The following FZR1 variants were observed in gnomAD, a reference collection of about 807,000 sequenced individuals.
The protein encoded by FZR1 is fizzy-related protein homolog.
Under a neutral mutation model 63.6 loss-of-function variants are expected in FZR1, and 11 were observed. That is an observed-to-expected ratio of 0.17 (90% CI 0.11 to 0.29). The LOEUF is 0.29. FZR1 is among the 10% of genes least tolerant of loss of function. The pLI, the probability that FZR1 is intolerant of heterozygous loss-of-function variation, is 1.00. For synonymous variants in FZR1, 328 were observed against 297.9 expected, an observed-to-expected ratio of 1.10 and a Z score of -1.04; for missense variants, 440 against 687.5, an observed-to-expected ratio of 0.64 and a Z score of 4.03.
At position 3,526,478 on chromosome 19, in the gene FZR1, C is replaced by T; in HGVS notation, c.387+92C>T. On this transcript the variant is annotated intron_variant, in intron 5 of 13. Transcript: ENST00000441788. This position sits in a 1 kb window ranked among gnomAD's most constrained non-coding sequence, Gnocchi z 5.4. ...CAGGCACCAGCTCTGCCTCCCCGAG[C>T]CCGGTTCTCGGGCCCAGCCACGGCT... 9.1e-7 allele frequency: 1 copy of T among 1,101,536 alleles called. No individual in the cohort carries two copies. Among genetic ancestry groups the T allele is most frequent in the Non-Finnish European group, 1.3e-6 (1 of 768,250 alleles). The allele number at this position is 1,101,536 out of a possible 1,614,324, so 68.2% of individuals were successfully genotyped here.
chr19:3,508,279 C>T (rs997300450), intron 1 of FZR1, among the ~76,000 whole-genome samples: 5 of 149,460 alleles, frequency 3.3e-5, no homozygotes, highest in Non-Finnish European at 1.5e-5. Flanking sequence ...TCACCGCAAC[C>T]TCTGCCTCCC....
intron 1 of FZR1, among the ~76,000 whole-genome samples, chr19:3,507,128 C>T (rs1462713814): frequency 1.3e-5 from 2 of 152,122 alleles, no homozygotes. Flanking sequence ...CACCTCATCT[C>T]GCTGATTTCT....
Position 3,525,894 on chromosome 19 carries a change from G to T in FZR1, c.96G>T (p.Thr32=), listed in dbSNP as rs538665074. ...TCACAGAGATGCGGCGGACCCTGAC[G>T]CCTGCCAGCTCCCCAGTGTCCTCGC... ...PRVTEMRRTL[T]PASSPVSSPS... Residue 32 remains threonine (T), a synonymous_variant, in exon 3 of 14, where the codon ACG becomes ACT. Coordinates refer to ENST00000441788, the MANE Select transcript of FZR1 (RefSeq NM_016263.4). The surrounding 1 kb of genome is among the most constrained non-coding windows in gnomAD (Gnocchi z 4.2). 3 of 1,612,086 alleles carry T rather than the reference G, an allele frequency of 1.9e-6. No homozygotes were observed. The highest frequency in any genetic ancestry group is 1.7e-6 in the Non-Finnish European group (2 of 1,179,938).
intron 1 of FZR1, among the ~76,000 whole-genome samples, chr19:3,519,310 C>G (rs1272610426): frequency 6.6e-6 from 1 of 152,250 alleles, no homozygotes. Context: ...TCCGGATCGT[C>G]TCTGCCCTGC....
intron 2 of FZR1, among the ~76,000 whole-genome samples, chr19:3,523,668 C>T (rs1451869052): frequency 6.6e-6 from 1 of 152,252 alleles, no homozygotes; most frequent in Non-Finnish European, 1.5e-5. Flanking sequence ...CCAGTCCCTG[C>T]CCTGTGATAG....
intron 7 of FZR1, among the ~76,000 whole-genome samples, chr19:3,529,847 G>T: frequency 8.9e-6 from 1 of 111,944 alleles, no homozygotes; most frequent in Admixed American, 9.0e-5. Context: ...TGAGCGGGTG[G>T]GTGAGCGGGT....
chr19:3,507,773 A>G (rs921615394), intron 1 of FZR1, among the ~76,000 whole-genome samples: 1 of 152,110 alleles, frequency 6.6e-6, no homozygotes, highest in Non-Finnish European at 1.5e-5. Flanking sequence ...CCCGGAGTGG[A>G]TGTGTCGGGG....
intron 7 of FZR1, among the ~76,000 whole-genome samples, chr19:3,528,327 G>T (rs566267373): frequency 6.6e-6 from 1 of 152,230 alleles, no homozygotes. Context: ...CAGGGATAAC[G>T]CCATGCGAGT....
chr19:3,526,841 C>A lies in FZR1; in HGVS notation c.388-139C>A. The stretch of plus-strand genomic sequence containing the variant: ...GCAGTCCCCGCCAGGAAGGCGCCTG[C>A]CTTTTTACAGCTGCTCCACACAGGG... On this transcript the variant is annotated intron_variant, in intron 5 of 13. Coordinates refer to ENST00000441788, the MANE Select transcript of FZR1 (RefSeq NM_016263.4). The surrounding 1 kb of genome is among the most constrained non-coding windows in gnomAD (Gnocchi z 5.4). 1 of 656,114 alleles carries A rather than the reference C, an allele frequency of 1.5e-6. No individual in the cohort carries two copies. Among genetic ancestry groups the A allele is most frequent in the Non-Finnish European group, 2.7e-6 (1 of 372,752 alleles). The allele number at this position is 656,114 out of a possible 1,614,324, so 40.6% of individuals were successfully genotyped here. A position where few individuals can be genotyped will look rare whatever the true frequency, so the allele number is the denominator to read the frequency against.
At position 3,508,200 on chromosome 19, in the gene FZR1, C is replaced by CTTT. The variant is rs71166908; in HGVS notation, c.-35+1745_-35+1747dup. On this transcript the variant is annotated intron_variant, in intron 1 of 13. Coordinates refer to ENST00000441788, the MANE Select transcript of FZR1 (RefSeq NM_016263.4). ...TTCAAGGTGGGGCTACATTGATTTT[C>CTTT]TTTTTTTTTTTTTTTTTTTTTGAGA... 8.4e-3 allele frequency among the ~76,000 whole-genome samples: 767 copies of CTTT among 91,060 alleles called. 33 individuals carry two copies. Among genetic ancestry groups the CTTT allele is most frequent in the African/African-American group, 0.026 (558 of 21,092 alleles). 59.7% of individuals were successfully genotyped at this position (91,060 alleles called of 152,430 possible). A position where few individuals can be genotyped will look rare whatever the true frequency, so the allele number is the denominator to read the frequency against.
chr19:3,522,371 G>A (rs1387965736), intron 1 of FZR1, among the ~76,000 whole-genome samples: 3 of 152,190 alleles, frequency 2.0e-5, no homozygotes, highest in Non-Finnish European at 4.4e-5. Flanking sequence ...GGCTGAGCCT[G>A]GTCCCATGTG....
rs1414181822 is a variant in FZR1, at chr19:3,522,093, G to C, written c.-34-863G>C. 2.0e-5 allele frequency among the ~76,000 whole-genome samples: 3 copies of C among 152,328 alleles called. No homozygotes were observed. The East Asian group carries it at 5.8e-4, about 29-fold the overall frequency. ...CAGCCTGGGTGACACAGGGAGACCT[G>C]TCTACAAAAAGAACCGCTGTATTTA... On this transcript the variant is annotated intron_variant, in intron 1 of 13. Coordinates refer to ENST00000441788, the MANE Select transcript of FZR1 (RefSeq NM_016263.4).
chr19:3,534,296 T>C, intron 12 of FZR1, 125 bp from the exon 13 acceptor site: 28 of 415,672 alleles, frequency 6.7e-5, no homozygotes, highest in South Asian at 3.1e-4. Context: ...TGCCCCTCCC[T>C]CCTGGCTCCA....
In FZR1 at chr19:3,525,684, C is replaced by T. The variant is rs1231887466; in HGVS notation, c.70-184C>T. Among the ~76,000 whole-genome samples the T allele has an allele frequency of 6.6e-6, 1 of 152,050 alleles. No homozygotes were observed. The highest frequency in any genetic ancestry group is 1.5e-5 in the Non-Finnish European group (1 of 67,996). ...GTCTTGATCTCCTGACCTCGTGATC[C>T]GCCCGCCTCGGCCTCCCAAAGTGCT... On this transcript the variant is annotated intron_variant, in intron 2 of 13. Transcript: ENST00000441788. The surrounding 1 kb of genome is among the most constrained non-coding windows in gnomAD (Gnocchi z 4.2).
chr19:3,533,177 G>A lies in FZR1; in HGVS notation c.1243-117G>A. ...CATCCCAGCATCCCCTGCTCCTCCT[G>A]GGCTGGCTGGCGGCTCTGAGCTCTC... is the stretch of plus-strand genomic sequence containing the variant. On this transcript the variant is annotated intron_variant, in intron 11 of 13. Coordinates refer to ENST00000441788, the MANE Select transcript of FZR1 (RefSeq NM_016263.4). This position sits in a 1 kb window ranked among gnomAD's most constrained non-coding sequence, Gnocchi z 4.9. 5.7e-6 allele frequency: 4 copies of A among 706,390 alleles called. No individual in the cohort carries two copies. Among genetic ancestry groups the A allele is most frequent in the Non-Finnish European group, 1.0e-5 (4 of 391,614 alleles). 43.8% of individuals were successfully genotyped at this position (706,390 alleles called of 1,614,324 possible).
rs973933150 is a variant in FZR1, at chr19:3,533,145, A to G, written c.1243-149A>G. The G allele has an allele frequency of 1.6e-6, 1 of 644,918 alleles. No homozygotes were observed. The highest frequency in any genetic ancestry group is 2.8e-6 in the Non-Finnish European group (1 of 356,602). 39.9% of individuals were successfully genotyped at this position (644,918 alleles called of 1,614,324 possible). A position where few individuals can be genotyped will look rare whatever the true frequency, so the allele number is the denominator to read the frequency against. ...CACCTCCTAGACAGACTCAGGTGGC[A>G]GAGCCACATCCCAGCATCCCCTGCT... On this transcript the variant is annotated intron_variant, in intron 11 of 13. Coordinates refer to ENST00000441788, the MANE Select transcript of FZR1 (RefSeq NM_016263.4). The surrounding 1 kb of genome is among the most constrained non-coding windows in gnomAD (Gnocchi z 4.9).
rs1278662158 is a variant in FZR1 at position 3,516,616 on chromosome 19, G to A, written c.-34-6340G>A. Among the ~76,000 whole-genome samples, 2 of 152,256 alleles carry A rather than the reference G, an allele frequency of 1.3e-5. No individual in the cohort carries two copies. Among genetic ancestry groups the A allele is most frequent in the South Asian group, 2.1e-4 (1 of 4,806 alleles). ...GTGCCCCGGGAGGCCCCAGGCCCGGGATACAGGACCCTCCAGATCTCGGAG... is the reference window on the plus strand; with the variant it reads ...GTGCCCCGGGAGGCCCCAGGCCCGGAATACAGGACCCTCCAGATCTCGGAG... On this transcript the variant is annotated intron_variant, in intron 1 of 13. Transcript: ENST00000441788. The surrounding 1 kb of genome is among the most constrained non-coding windows in gnomAD (Gnocchi z 6.0).
Position 3,534,523 on chromosome 19 carries a change from G to A in FZR1, c.1440+10G>A. On this transcript the variant is annotated intron_variant, in intron 13 of 13. Transcript: ENST00000441788. ...AACCCGTTCGACAAAGGTAAAGTGG[G>A]TCGGTATCAGCGCCACTCGCCCCCG... is the stretch of plus-strand genomic sequence containing the variant. 2.5e-6 allele frequency: 4 copies of A among 1,572,362 alleles called. No individual in the cohort carries two copies. The highest frequency in any genetic ancestry group is 3.5e-6 in the Non-Finnish European group (4 of 1,148,810).
rs116232251 is a variant in FZR1 at position 3,511,968 on chromosome 19, G to A, written c.-35+5494G>A. On this transcript the variant is annotated intron_variant, in intron 1 of 13. Transcript: ENST00000441788. ...CTCAGTGGTCTCTCCGCTAGGCCCCGGCTCTGGTTCTGGTCCAGAGTCCAC... is the reference window on the plus strand; with the variant it reads ...CTCAGTGGTCTCTCCGCTAGGCCCCAGCTCTGGTTCTGGTCCAGAGTCCAC... Among the ~76,000 whole-genome samples, 561 of 152,248 alleles carry A rather than the reference G, an allele frequency of 3.7e-3. 4 individuals are homozygous for A. Among genetic ancestry groups the A allele is most frequent in the African/African-American group, 0.013 (542 of 41,546 alleles).
Sources: gnomAD v4.1 joint callset for allele counts (sites outside exome capture counted in the v4.1 genomes callset) on GRCh38, gnomAD v4.1.1 for gene constraint, Gnocchi (gnomAD v3.1) non-coding constraint, MANE v1.5 for transcripts, NCBI Gene and HGNC (gene_info 2026-07-23, HGNC 2026-07-21) for gene names.